Variants in GLIS3 observed in about 807,000 individuals in gnomAD.
GLIS3 encodes GLIS family zinc finger 3, also known as zinc finger protein GLIS3.
Under a neutral mutation model 78.6 loss-of-function variants are expected in GLIS3, and 53 were observed. The observed-to-expected ratio is 0.67, with a 90% CI of 0.54 to 0.85. GLIS3 has a LOEUF of 0.85. Among genes scored for constraint, GLIS3 ranks in the 40% least tolerant of loss-of-function variants. The pLI, the probability that GLIS3 is intolerant of heterozygous loss-of-function variation, is 0.00. For missense variants in GLIS3, 1,703 were observed against 1,231.1 expected, an observed-to-expected ratio of 1.38 and a Z score of -5.74; for synonymous variants, 684 against 509.9, an observed-to-expected ratio of 1.34 and a Z score of -4.60.
chr9:3,874,816 T>C (rs1821204613), intron 8 of GLIS3, among the ~76,000 whole-genome samples: 1 of 152,222 alleles, frequency 6.6e-6, no homozygotes, highest in Admixed American at 6.5e-5. Context: ...TTTTTTTCCT[T>C]ATATTTACAC....
At chr9:4,255,125 C>T (rs1251041427) in intron 2 of GLIS3, among the ~76,000 whole-genome samples, 1 of 152,158 alleles carries the variant, frequency 6.6e-6, no homozygotes, top group African/African-American at 2.4e-5. Flanking sequence ...CAACATCATA[C>T]ATCATCAGAG....
the GLIS3 span, among the ~76,000 whole-genome samples, chr9:4,469,622 G>C: frequency 1.3e-4 from 20 of 152,156 alleles, no homozygotes; most frequent in African/African-American, 4.8e-4. Flanking sequence ...GAATCTCTGA[G>C]ACACATTTAA....
At chr9:4,428,579 G>C in the GLIS3 span, among the ~76,000 whole-genome samples, 3 of 151,630 alleles carry the variant, frequency 2.0e-5, no homozygotes, top group African/African-American at 7.3e-5. Flanking sequence ...TGGTTTCAGA[G>C]GGCTAAAAAA....
At chr9:4,366,726 G>A in the GLIS3 span, among the ~76,000 whole-genome samples, 1 of 152,240 alleles carries the variant, frequency 6.6e-6, no homozygotes. Context: ...TCCAGGCCTA[G>A]GAGTGCCAGT....
At chr9:4,088,417 C>T (rs1036734780) in intron 4 of GLIS3, among the ~76,000 whole-genome samples, 3 of 152,186 alleles carry the variant, frequency 2.0e-5, no homozygotes, top group Non-Finnish European at 4.4e-5. Context: ...TTGATTAGTG[C>T]CCACTGAAAT....
chr9:4,152,311 T>C (rs920761003), intron 2 of GLIS3: 1 of 155,154 alleles, frequency 6.4e-6, no homozygotes, highest in African/African-American at 2.4e-5. Flanking sequence ...TTGCAGAGAA[T>C]GTAGGAGGAG....
chr9:3,990,277 A>G (rs1173882563), intron 4 of GLIS3, among the ~76,000 whole-genome samples: 1 of 152,220 alleles, frequency 6.6e-6, no homozygotes, highest in Non-Finnish European at 1.5e-5. Context: ...TGTTACATTA[A>G]CATAATATTA....
Position 3,824,763 on chromosome 9 carries a change from T to C in GLIS3, c.*3509A>G, listed in dbSNP as rs1319506209. 1 of 152,598 alleles carries C rather than the reference T, an allele frequency of 6.6e-6. No individual in the cohort carries two copies. The highest frequency in any genetic ancestry group is 2.4e-5 in the African/African-American group (1 of 41,440). The allele number at this position is 152,598 out of a possible 1,614,324, so 9.5% of individuals were successfully genotyped here. A position where few individuals can be genotyped will look rare whatever the true frequency, so the allele number is the denominator to read the frequency against. On this transcript the variant is annotated 3_prime_UTR_variant, in exon 11 of 11. Transcript: ENST00000381971. ...GTGTATATAACTATGTACAAGAGTC[T>C]GTGTGATTTATGGAAAACAGATTTC...
At chr9:3,875,430 C>G (rs1183287389) in intron 8 of GLIS3, among the ~76,000 whole-genome samples, 1 of 147,550 alleles carries the variant, frequency 6.8e-6, no homozygotes, top group Non-Finnish European at 1.5e-5. Flanking sequence ...AGTGACTCAG[C>G]CCATTTTTTT....
chr9:4,133,526 T>C (rs556618526), intron 2 of GLIS3, among the ~76,000 whole-genome samples: 10 of 152,262 alleles, frequency 6.6e-5, no homozygotes, highest in African/African-American at 1.2e-4. Flanking sequence ...CTAAGAGCCA[T>C]AGATTTCCAT....
intron 3 of GLIS3, among the ~76,000 whole-genome samples, chr9:4,120,868 T>C (rs1183308745): frequency 1.3e-5 from 2 of 152,200 alleles, no homozygotes; most frequent in African/African-American, 2.4e-5. Flanking sequence ...GCTTATAAAA[T>C]TGTATTATTT....
chr9:4,488,160 G>A, the GLIS3 span, among the ~76,000 whole-genome samples: 1 of 151,994 alleles, frequency 6.6e-6, no homozygotes, highest in Non-Finnish European at 1.5e-5. Flanking sequence ...TAATTATGTT[G>A]TCCAGGCTGG....
At chr9:3,951,192 A>G (rs1210139787) in intron 4 of GLIS3, among the ~76,000 whole-genome samples, 2 of 152,240 alleles carry the variant, frequency 1.3e-5, no homozygotes, top group Non-Finnish European at 2.9e-5. Context: ...ACACCCAGCA[A>G]TAAGTGACAA....
In GLIS3 at chr9:4,327,840, C is replaced by T. The variant is rs553173431; in HGVS notation, n.265-17312G>A. On this transcript the variant is annotated intron_variant and non_coding_transcript_variant, in intron 2 of 4. Coordinates refer to the GLIS3 transcript ENST00000471664. The stretch of plus-strand genomic sequence containing the variant: ...CTAAATGTCACTCCTCGAGGTGCAT[C>T]TGAAGGTTGCGATCAGTGACCGGTG... Among the ~76,000 whole-genome samples the T allele has an allele frequency of 5.9e-5, 9 of 152,324 alleles. No homozygotes were observed. The East Asian group carries it at 1.3e-3, about 23-fold the overall frequency.
chr9:4,134,445 C>A (rs1833241328), intron 2 of GLIS3, among the ~76,000 whole-genome samples: 1 of 152,000 alleles, frequency 6.6e-6, no homozygotes, highest in Non-Finnish European at 1.5e-5. Flanking sequence ...GCCTCCATAC[C>A]CAGCTTGTGA....
intron 4 of GLIS3, among the ~76,000 whole-genome samples, chr9:4,027,222 G>A (rs888162601): frequency 2.0e-5 from 3 of 152,184 alleles, no homozygotes; most frequent in African/African-American, 7.2e-5. Context: ...ACTGAACAAC[G>A]CTTAGCCATT....
At chr9:3,997,253 G>A (rs1326765488) in intron 4 of GLIS3, among the ~76,000 whole-genome samples, 10 of 152,272 alleles carry the variant, frequency 6.6e-5, no homozygotes, top group South Asian at 4.1e-4. Context: ...GGCTGAGGCC[G>A]GAGAATCGCT....
intron 4 of GLIS3, among the ~76,000 whole-genome samples, chr9:4,042,778 T>G (rs1439953866): frequency 1.3e-5 from 2 of 152,050 alleles, no homozygotes; most frequent in African/African-American, 4.8e-5. Flanking sequence ...AATATATGAT[T>G]TTAGTGACAA....
chr9:4,102,196 A>T (rs1350272705), intron 4 of GLIS3, among the ~76,000 whole-genome samples: 1 of 152,220 alleles, frequency 6.6e-6, no homozygotes, highest in African/African-American at 2.4e-5. Flanking sequence ...CCCAGGGTCA[A>T]CTAAGTACTT....
Sources: allele counts gnomAD v4.1 joint callset (sites outside exome capture counted in the v4.1 genomes callset), GRCh38; gene constraint gnomAD v4.1.1; transcripts MANE v1.5; gene names NCBI Gene and HGNC (gene_info 2026-07-23, HGNC 2026-07-21).